Variants in DTWD2 observed in about 807,000 individuals in gnomAD.
The protein encoded by DTWD2 is tRNA-uridine aminocarboxypropyltransferase 2.
DTWD2 carries 39 observed loss-of-function variants against 31.8 expected under a neutral mutation model. The observed-to-expected ratio is 1.22, with a 90% CI of 0.95 to 1.60. The LOEUF is 1.60. DTWD2 is among the 40% of genes most tolerant of loss of function. DTWD2 has a pLI of 0.00. For missense variants in DTWD2, 515 were observed against 381.5 expected (o/e 1.35, Z -2.92); for synonymous variants, 180 against 142.8 (o/e 1.26, Z -1.86).
chr5:118,860,706 G>A (rs1333178700), intron 4 of DTWD2, among the ~76,000 whole-genome samples: 1 of 152,224 alleles, frequency 6.6e-6, no homozygotes, highest in Non-Finnish European at 1.5e-5. Context: ...CAATCTGTTA[G>A]GTCAGAAATG....
At chr5:118,885,965 C>T (rs1752854744) in intron 4 of DTWD2, among the ~76,000 whole-genome samples, 1 of 151,910 alleles carries the variant, frequency 6.6e-6, no homozygotes, top group South Asian at 2.1e-4. Context: ...AAATTAGACC[C>T]CTGTCTCAAA....
In DTWD2 at chr5:118,944,670, TA is replaced by T. The variant is rs763090952; in HGVS notation, c.219-22del. Reference sequence around the variant, plus strand: ...GCCGGCTAAAGGGTAAAAAGAAAAATAAAACTGGTAAATTTTAAAAATACAA... The same window carrying T: ...GCCGGCTAAAGGGTAAAAAGAAAAATAAACTGGTAAATTTTAAAAATACAA... On this transcript the variant is annotated intron_variant, in intron 1 of 5. Transcript: ENST00000510708. 3.7e-6 allele frequency: 6 copies of T among 1,604,760 alleles called. No individual in the cohort carries two copies. The South Asian group carries it at 6.6e-5, about 18-fold the overall frequency.
intron 4 of DTWD2, among the ~76,000 whole-genome samples, chr5:118,912,592 T>C (rs939442696): frequency 2.0e-5 from 3 of 152,186 alleles, no homozygotes; most frequent in African/African-American, 7.2e-5. Context: ...TTTTCCTCAA[T>C]TTTTTCATGG....
rs771006448 is a variant in DTWD2 at position 118,891,741 on chromosome 5, C to G, written c.597+36796G>C. Among the ~76,000 whole-genome samples, 206 of 152,232 alleles carry G rather than the reference C, an allele frequency of 1.4e-3. 1 individual carries two copies. The highest frequency in any genetic ancestry group is 2.4e-3 in the Non-Finnish European group (164 of 68,002). ...CTATAAGATACACTGAATGACAGCA[C>G]TAATATTTAATAAATAAATGAAATG... On this transcript the variant is annotated intron_variant, in intron 4 of 5. Transcript: ENST00000510708.
At chr5:118,956,079 A>G (rs890929090) in intron 1 of DTWD2, among the ~76,000 whole-genome samples, 5 of 152,140 alleles carry the variant, frequency 3.3e-5, no homozygotes, top group African/African-American at 1.2e-4. Context: ...CAGATTTTCA[A>G]TTTCCTTCCG....
At chr5:118,874,205 G>T (rs777932598) in intron 4 of DTWD2, among the ~76,000 whole-genome samples, 1 of 152,072 alleles carries the variant, frequency 6.6e-6, no homozygotes, top group African/African-American at 2.4e-5. Flanking sequence ...CCCATCCAAG[G>T]GTGAGCAATC....
At chr5:118,841,134 G>T (rs1483629794) in intron 5 of DTWD2, 47 bp from the exon 6 acceptor site, 41 of 1,554,562 alleles carry the variant, frequency 2.6e-5, no homozygotes, top group Non-Finnish European at 3.3e-5. Flanking sequence ...GACAAATCAT[G>T]ATATTCTATC....
intron 4 of DTWD2, among the ~76,000 whole-genome samples, chr5:118,914,964 C>A (rs1226702521): frequency 1.3e-5 from 2 of 152,152 alleles, no homozygotes; most frequent in African/African-American, 4.8e-5. Flanking sequence ...TTCTGGCTCA[C>A]GCCTATAATC....
chr5:118,969,750 G>A (rs1345175596), intron 1 of DTWD2, among the ~76,000 whole-genome samples: 1 of 152,150 alleles, frequency 6.6e-6, no homozygotes, highest in African/African-American at 2.4e-5. Context: ...ATGCAAAAAC[G>A]CTGAAAACTC....
At chr5:118,950,476 C>G (rs991650027) in intron 1 of DTWD2, among the ~76,000 whole-genome samples, 1 of 152,178 alleles carries the variant, frequency 6.6e-6, no homozygotes, top group Admixed American at 6.5e-5. Flanking sequence ...TGTCAGTCTT[C>G]AGCTGCTAAG....
chr5:118,880,951 C>G (rs1561439012), intron 4 of DTWD2, among the ~76,000 whole-genome samples: 1 of 152,154 alleles, frequency 6.6e-6, no homozygotes. Flanking sequence ...AGCTCTAATG[C>G]TATCAGCAAA....
rs147415104 is a variant in DTWD2, at chr5:118,975,641, G to T, written c.218+12653C>A. On this transcript the variant is annotated intron_variant, in intron 1 of 5. Coordinates refer to ENST00000510708, the MANE Select transcript of DTWD2 (RefSeq NM_173666.4). ...TTGGGATTTTCAGCCTTTTTGTGCTGGTTTTTCCTCATCTTCATGGATTTA... is the reference window on the plus strand; with the variant it reads ...TTGGGATTTTCAGCCTTTTTGTGCTTGTTTTTCCTCATCTTCATGGATTTA... 7.6e-3 allele frequency among the ~76,000 whole-genome samples: 1,152 copies of T among 152,180 alleles called. 17 individuals carry two copies. The highest frequency in any genetic ancestry group is 0.026 in the African/African-American group (1,090 of 41,510).
chr5:118,988,428 G>C lies in DTWD2; in HGVS notation c.84C>G (p.Asp28Glu), dbSNP rs200675075. The change falls in exon 1 of 6, where the codon GAC (aspartate) becomes GAG (glutamate). Residue 28 changes from aspartate (D) to glutamate (E), a missense_variant. Physicochemically the swap from Asp to Glu is conservative, Grantham distance 45 (BLOSUM62 2). Transcript: ENST00000510708. ...CTGCGCCGCCCTCCCGCCGCTCCTTGTCGTTCGGCGTCTGAGAGCTTGAGG... is the reference window on the plus strand; with the variant it reads ...CTGCGCCGCCCTCCCGCCGCTCCTTCTCGTTCGGCGTCTGAGAGCTTGAGG... ...SGASSSQTPN[D>E]KERREGGAVP... 1.8e-5 allele frequency: 29 copies of C among 1,607,066 alleles called. No individual in the cohort carries two copies. Among genetic ancestry groups the C allele is most frequent in the Non-Finnish European group, 2.3e-5 (27 of 1,178,230 alleles).
intron 2 of DTWD2, among the ~76,000 whole-genome samples, chr5:118,941,053 C>A (rs932842572): frequency 1.6e-4 from 25 of 152,158 alleles, no homozygotes; most frequent in African/African-American, 6.0e-4. Context: ...CATCATATCA[C>A]CTCCATATCA....
At chr5:118,978,004 C>T (rs1283948588) in intron 1 of DTWD2, among the ~76,000 whole-genome samples, 2 of 152,074 alleles carry the variant, frequency 1.3e-5, no homozygotes, top group African/African-American at 2.4e-5. Flanking sequence ...CAAAACCAGA[C>T]ACATAGACCA....
intron 4 of DTWD2, among the ~76,000 whole-genome samples, chr5:118,925,535 T>G (rs1753790930): frequency 6.6e-6 from 1 of 152,146 alleles, no homozygotes; most frequent in South Asian, 2.1e-4. Flanking sequence ...TCATTGATAG[T>G]ATGGAGATTC....
rs564352341 is a variant in DTWD2 at position 118,926,234 on chromosome 5, T to TA, written c.597+2302dup. Among the ~76,000 whole-genome samples the TA allele has an allele frequency of 3.5e-4, 53 of 152,272 alleles. 1 individual carries two copies. The highest frequency in any genetic ancestry group is 5.3e-4 in the African/African-American group (22 of 41,566). The stretch of plus-strand genomic sequence containing the variant: ...TACTCAGCCATAAAAATGAACAAAC[T>TA]AAGTTCATTTTGCAGCAACTTGGAT... On this transcript the variant is annotated intron_variant, in intron 4 of 5. Coordinates refer to ENST00000510708, the MANE Select transcript of DTWD2 (RefSeq NM_173666.4).
intron 1 of DTWD2, among the ~76,000 whole-genome samples, chr5:118,964,844 C>T (rs1465109376): frequency 1.3e-5 from 2 of 152,208 alleles, no homozygotes; most frequent in African/African-American, 2.4e-5. Flanking sequence ...GAGATTGCAG[C>T]CTCTGCCCGG....
chr5:118,908,853 G>T (rs547712861), intron 4 of DTWD2, among the ~76,000 whole-genome samples: 1 of 152,130 alleles, frequency 6.6e-6, no homozygotes, highest in Non-Finnish European at 1.5e-5. Flanking sequence ...CAAAGTAGGA[G>T]ATACCAGCCT....
Sources: allele counts gnomAD v4.1 joint callset (sites outside exome capture counted in the v4.1 genomes callset), GRCh38; gene constraint gnomAD v4.1.1; transcripts MANE v1.5; gene names NCBI Gene and HGNC (gene_info 2026-07-23, HGNC 2026-07-21).